The following MBOAT1 variants were observed in gnomAD, a reference collection of about 807,000 sequenced individuals.
The protein encoded by MBOAT1 is membrane-bound glycerophospholipid O-acyltransferase 1.
Under a neutral mutation model 64.4 loss-of-function variants are expected in MBOAT1, and 67 were observed. That is an observed-to-expected ratio of 1.04 (90% CI 0.85 to 1.27). MBOAT1 has a LOEUF of 1.27. Among genes scored for constraint, MBOAT1 ranks in the 50% most tolerant of loss-of-function variants. The pLI, the probability that MBOAT1 is intolerant of heterozygous loss-of-function variation, is 0.00. For synonymous variants in MBOAT1, 229 were observed against 218.9 expected (o/e 1.05, Z -0.41); for missense variants, 563 against 604.6 (o/e 0.93, Z 0.72).
At position 20,101,195 on chromosome 6, in the gene MBOAT1, T is replaced by C. The variant is rs1759777163; in HGVS notation, c.*1091A>G. 6.6e-6 allele frequency among the ~76,000 whole-genome samples: 1 copy of C among 152,166 alleles called. No individual in the cohort carries two copies. Among genetic ancestry groups the C allele is most frequent in the African/African-American group, 2.4e-5 (1 of 41,436 alleles). ...GGCATTCTGCTGCCTTTCTGAGGCA[T>C]GAACATTTGGGTGTCTTCTCAAGAC... is the stretch of plus-strand genomic sequence containing the variant. On this transcript the variant is annotated 3_prime_UTR_variant, in exon 13 of 13. Transcript: ENST00000324607.
rs755436569 is a variant in MBOAT1 at position 20,212,169 on chromosome 6, C to T, written c.66G>A (p.Pro22=). Residue 22 remains proline (P), a synonymous_variant, in exon 1 of 13, where the codon CCG becomes CCA. Transcript: ENST00000324607. ...YRTTGSTYLH[P]LSELLGIPLD... is the part of the protein sequence containing the mutation. ...GCGGGATGCCCAGGAGCTCGCTGAGCGGGTGCAGGTAGGTGGAGCCCGTGG... is the reference window on the plus strand; with the variant it reads ...GCGGGATGCCCAGGAGCTCGCTGAGTGGGTGCAGGTAGGTGGAGCCCGTGG... The T allele has an allele frequency of 1.9e-6, 3 of 1,613,514 alleles. No homozygotes were observed. The highest frequency in any genetic ancestry group is 1.7e-5 in the Admixed American group (1 of 59,998).
rs368168143 is a variant in MBOAT1, at chr6:20,212,116, C to A, written c.99+20G>T. 6.2e-7 allele frequency: 1 copy of A among 1,609,112 alleles called. No individual in the cohort carries two copies. Among genetic ancestry groups the A allele is most frequent in the Non-Finnish European group, 8.5e-7 (1 of 1,177,510 alleles). On this transcript the variant is annotated intron_variant, in intron 1 of 12. Coordinates refer to ENST00000324607, the MANE Select transcript of MBOAT1 (RefSeq NM_001080480.3). ...GATCGCTGGGGAGCTGGGGTCGCTG[C>A]GCTCCCGGCCTGCAGTTACCTGGTC...
intron 1 of MBOAT1, among the ~76,000 whole-genome samples, chr6:20,199,163 C>T (rs867315288): frequency 2.6e-5 from 4 of 152,212 alleles, no homozygotes; most frequent in Non-Finnish European, 5.9e-5. Flanking sequence ...GCTGGAGTCT[C>T]ACAGCCTACT....
At chr6:20,118,570 A>G (rs1459336277) in intron 8 of MBOAT1, 30 bp from the exon 9 acceptor site, 2 of 1,557,302 alleles carry the variant, frequency 1.3e-6, no homozygotes, top group Non-Finnish European at 1.8e-6. Flanking sequence ...ACATTAGGAT[A>G]TGGAACAAAA....
intron 1 of MBOAT1, among the ~76,000 whole-genome samples, chr6:20,190,492 A>C (rs1285040802): frequency 1.3e-5 from 2 of 152,210 alleles, no homozygotes; most frequent in Non-Finnish European, 2.9e-5. Context: ...TTACGTTTTA[A>C]ATTTAATGGG....
In MBOAT1 at chr6:20,203,572, T is replaced by C. The variant is rs75009690; in HGVS notation, c.99+8564A>G. 5.4e-3 allele frequency among the ~76,000 whole-genome samples: 822 copies of C among 152,286 alleles called. 4 individuals carry two copies. Among genetic ancestry groups the C allele is most frequent in the Non-Finnish European group, 9.4e-3 (640 of 68,024 alleles). ...TAAGTCATTCATTCCAATCCAAAAA[T>C]GTAAATAAAATTCCATTTCAATTCA... On this transcript the variant is annotated intron_variant, in intron 1 of 12. Transcript: ENST00000324607.
At position 20,152,344 on chromosome 6, in the gene MBOAT1, AATAAAT is replaced by A. The variant is rs1561765668; in HGVS notation, c.245+274_245+279del. On this transcript the variant is annotated intron_variant, in intron 2 of 12. Transcript: ENST00000324607. ...TCCGTCTCAAAAAAAAAAAATAAAA[AATAAAT>A]AAATAAATAAATAAATTAATTAATT... 4.3e-3 allele frequency among the ~76,000 whole-genome samples: 294 copies of A among 67,680 alleles called. 2 individuals are homozygous for A. The highest frequency in any genetic ancestry group is 9.3e-3 in the African/African-American group (242 of 26,068). The allele number at this position is 67,680 out of a possible 152,430, so 44.4% of individuals were successfully genotyped here.
intron 1 of MBOAT1, among the ~76,000 whole-genome samples, chr6:20,172,149 T>C (rs1416387993): frequency 5.3e-5 from 8 of 151,896 alleles, no homozygotes; most frequent in Non-Finnish European, 1.2e-4. Context: ...AATTGATTCC[T>C]AGGGTCCAGG....
chr6:20,190,210 G>A (rs1007554310), intron 1 of MBOAT1, among the ~76,000 whole-genome samples: 13 of 152,058 alleles, frequency 8.5e-5, no homozygotes, highest in Non-Finnish European at 1.6e-4. Context: ...GGCCAGGCTG[G>A]TCTTGATCTC....
At chr6:20,156,767 G>A (rs1761701661) in intron 1 of MBOAT1, among the ~76,000 whole-genome samples, 1 of 152,184 alleles carries the variant, frequency 6.6e-6, no homozygotes, top group South Asian at 2.1e-4. Context: ...GAATGCTTGT[G>A]ATTTTTGCAC....
At chr6:20,125,743 A>G in intron 7 of MBOAT1, 5 of 315,292 alleles carry the variant, frequency 1.6e-5, no homozygotes, top group South Asian at 1.3e-4. Context: ...TATGTCAAAA[A>G]TATCTAAAAA....
chr6:20,206,186 T>G (rs1295741673), intron 1 of MBOAT1, among the ~76,000 whole-genome samples: 1 of 152,138 alleles, frequency 6.6e-6, no homozygotes, highest in East Asian at 1.9e-4. Context: ...CTTTTTCTTT[T>G]TTTTTGAGAT....
intron 1 of MBOAT1, among the ~76,000 whole-genome samples, chr6:20,160,553 A>G (rs1004630028): frequency 2.0e-5 from 3 of 152,236 alleles, no homozygotes; most frequent in Non-Finnish European, 4.4e-5. Context: ...TCATATTCAA[A>G]ATATGCAAAG....
chr6:20,133,538 C>G (rs1177099618), intron 4 of MBOAT1, among the ~76,000 whole-genome samples: 2 of 152,112 alleles, frequency 1.3e-5, no homozygotes, highest in Non-Finnish European at 2.9e-5. Context: ...GTTTTCTTTC[C>G]AAAGCCTTTT....
chr6:20,186,863 G>A (rs1350977805), intron 1 of MBOAT1, among the ~76,000 whole-genome samples: 1 of 152,194 alleles, frequency 6.6e-6, no homozygotes, highest in Non-Finnish European at 1.5e-5. Context: ...TCTACACTCT[G>A]ACATGGAGAA....
chr6:20,179,253 A>G (rs1371686079), intron 1 of MBOAT1, among the ~76,000 whole-genome samples: 2 of 152,128 alleles, frequency 1.3e-5, no homozygotes, highest in Middle Eastern at 3.2e-3. Context: ...CATTAGTCAA[A>G]CTGAGGTGCT....
intron 1 of MBOAT1, among the ~76,000 whole-genome samples, chr6:20,206,404 C>A (rs1193892532): frequency 6.6e-6 from 1 of 152,178 alleles, no homozygotes; most frequent in Non-Finnish European, 1.5e-5. Context: ...AAACTCCTGA[C>A]CTCAGGTGAT....
intron 1 of MBOAT1, among the ~76,000 whole-genome samples, chr6:20,156,668 A>T (rs1761697837): frequency 6.6e-6 from 1 of 152,252 alleles, no homozygotes; most frequent in South Asian, 2.1e-4. Flanking sequence ...AATAGTAAGT[A>T]TTCACAGAGA....
intron 1 of MBOAT1, among the ~76,000 whole-genome samples, chr6:20,165,100 G>T (rs1384758373): frequency 6.6e-6 from 1 of 152,068 alleles, no homozygotes; most frequent in Non-Finnish European, 1.5e-5. Context: ...TAACTCCATC[G>T]TCAGTTGAGG....
Sources: gnomAD v4.1 joint callset for allele counts (sites outside exome capture counted in the v4.1 genomes callset) on GRCh38, gnomAD v4.1.1 for gene constraint, MANE v1.5 for transcripts, NCBI Gene and HGNC (gene_info 2026-07-23, HGNC 2026-07-21) for gene names.